The following SCN2A variants were observed in gnomAD, a reference collection of about 807,000 sequenced individuals.
The protein encoded by SCN2A is sodium voltage-gated channel alpha subunit 2, also known as sodium channel protein type 2 subunit alpha.
SCN2A carries 20 observed loss-of-function variants against 188.7 expected under a neutral mutation model. The observed-to-expected ratio is 0.11, with a 90% CI of 0.07 to 0.15. The LOEUF (loss-of-function observed/expected upper bound fraction) is 0.15. Among genes scored for constraint, SCN2A ranks in the 10% least tolerant of loss-of-function variants. The probability of loss-of-function intolerance (pLI) is 1.00; values close to 1 mark genes in which losing one functional copy is unlikely to be tolerated. For synonymous variants in SCN2A, 804 were observed against 833.1 expected, an observed-to-expected ratio of 0.97 and a Z score of 0.60; for missense variants, 1,278 against 2,445.0, an observed-to-expected ratio of 0.52 and a Z score of 10.07.
intron 2 of SCN2A, chr2:165,296,455 T>TA (rs1216212520): frequency 7.7e-6 from 2 of 261,384 alleles, no homozygotes; most frequent in Non-Finnish European, 1.5e-5. Context: ...ATTTAAATTT[T>TA]ATTTTTTATA....
At chr2:165,380,544 G>T (rs774188132) in intron 23 of SCN2A, 48 bp from the exon 24 acceptor site, 1 of 1,396,720 alleles carries the variant, frequency 7.2e-7, no homozygotes, top group South Asian at 1.2e-5. Flanking sequence ...TGTACTTTTT[G>T]TGAAACAAGT....
At chr2:165,383,473 A>G (rs575260379) in intron 25 of SCN2A, among the ~76,000 whole-genome samples, 66 of 152,204 alleles carry the variant, frequency 4.3e-4, no homozygotes, top group African/African-American at 1.5e-3. Context: ...GATAAGCCCA[A>G]ACTTTTCTGG....
intron 18 of SCN2A, 110 bp downstream of exon 18, chr2:165,365,373 G>GAATC: frequency 1.2e-6 from 1 of 857,378 alleles, no homozygotes; most frequent in Non-Finnish European, 1.9e-6. Context: ...CTATCTATCT[G>GAATC]TATCTATCTA....
intron 1 of SCN2A, among the ~76,000 whole-genome samples, chr2:165,286,631 A>G (rs1695845410): frequency 6.6e-6 from 1 of 152,172 alleles, no homozygotes; most frequent in Non-Finnish European, 1.5e-5. Context: ...TTTGGCCCCA[A>G]AGGAAAGTTC....
rs1693783912 is a variant in SCN2A at position 165,245,011 on chromosome 2, A to C, written c.-52+5371A>C. On this transcript the variant is annotated intron_variant, in intron 1 of 26. Transcript: ENST00000375437. ...GATTATGATAATGTTATGATAAGAG[A>C]AGACTGACACTATCCCTCTTCTCTG... 2.6e-5 allele frequency among the ~76,000 whole-genome samples: 4 copies of C among 152,314 alleles called. No homozygotes were observed. In the South Asian group the frequency reaches 8.3e-4, roughly 32 times the overall value.
chr2:165,388,547 G>A (rs1701990639), intron 26 of SCN2A, 82 bp from the exon 27 acceptor site: 11 of 1,581,068 alleles, frequency 7.0e-6, no homozygotes, highest in Non-Finnish European at 9.5e-6. Context: ...TTCACATTTT[G>A]TAAAACTAAT....
intron 1 of SCN2A, among the ~76,000 whole-genome samples, chr2:165,251,568 T>A (rs1694095645): frequency 1.3e-5 from 2 of 152,008 alleles, no homozygotes; most frequent in Non-Finnish European, 2.9e-5. Context: ...ATTCCCCAGA[T>A]CCTTCCCTGC....
At chr2:165,286,455 G>A (rs142446253) in intron 1 of SCN2A, among the ~76,000 whole-genome samples, 56 of 152,292 alleles carry the variant, frequency 3.7e-4, no homozygotes, top group African/African-American at 1.3e-3. Flanking sequence ...AATGCCTAAA[G>A]AATATTTAAA....
intron 1 of SCN2A, chr2:165,274,081 A>G (rs1168218135): frequency 6.6e-6 from 1 of 152,194 alleles, no homozygotes; most frequent in African/African-American, 2.4e-5. Context: ...ACATACTTTT[A>G]AAATTCACAT....
intron 3 of SCN2A, among the ~76,000 whole-genome samples, chr2:165,299,128 A>C (rs1450726098): frequency 6.6e-6 from 1 of 152,112 alleles, no homozygotes; most frequent in Non-Finnish European, 1.5e-5. Context: ...ATCCTAGGAG[A>C]TTATGAATCC....
At chr2:165,295,522 A>G (rs1437173148) in intron 1 of SCN2A, among the ~76,000 whole-genome samples, 1 of 152,246 alleles carries the variant, frequency 6.6e-6, no homozygotes, top group Non-Finnish European at 1.5e-5. Flanking sequence ...CAAGTAGCAC[A>G]ATCACTTAAA....
chr2:165,325,369 T>C (rs374278989), intron 12 of SCN2A, among the ~76,000 whole-genome samples: 23 of 152,194 alleles, frequency 1.5e-4, no homozygotes, highest in African/African-American at 4.8e-4. Context: ...CAGGGCACTG[T>C]ACTATTGCAA....
intron 4 of SCN2A, 23 bp downstream of exon 4, chr2:165,307,960 A>G (rs1697227368): frequency 6.9e-7 from 1 of 1,456,370 alleles, no homozygotes; most frequent in Non-Finnish European, 9.6e-7. Context: ...ATTTTTCAAT[A>G]TTGACCTCCC....
chr2:165,305,059 A>C (rs1233154416), intron 3 of SCN2A, among the ~76,000 whole-genome samples: 1 of 152,200 alleles, frequency 6.6e-6, no homozygotes, highest in Non-Finnish European at 1.5e-5. Context: ...AGACACTTGG[A>C]CCATGCAGTG....
chr2:165,254,813 GTAC>G (rs1279770594), intron 1 of SCN2A, among the ~76,000 whole-genome samples: 1 of 151,540 alleles, frequency 6.6e-6, no homozygotes, highest in African/African-American at 2.4e-5. Flanking sequence ...GCATAATAAC[GTAC>G]TACTATTAAC....
intron 11 of SCN2A, among the ~76,000 whole-genome samples, chr2:165,317,044 G>A (rs1211282682): frequency 6.6e-6 from 1 of 151,938 alleles, no homozygotes; most frequent in Non-Finnish European, 1.5e-5. Context: ...AATACACAAT[G>A]GCATTATACT....
chr2:165,315,322 A>G (rs1697672637), intron 10 of SCN2A, 149 bp from the exon 11 acceptor site: 2 of 1,295,240 alleles, frequency 1.5e-6, no homozygotes, highest in African/African-American at 3.0e-5. Flanking sequence ...GATTGGTCTA[A>G]TAACAATGTA....
rs890388125 is a variant in SCN2A at position 165,391,263 on chromosome 2, C to G, written c.*1439C>G. ...GAAGAGCTTCTTGCTTTTTATTCTT[C>G]CAACCTTAATTGAACACTCAATGAT... On this transcript the variant is annotated 3_prime_UTR_variant, in exon 27 of 27. Transcript: ENST00000375437. 1.3e-5 allele frequency: 2 copies of G among 152,452 alleles called. No individual in the cohort carries two copies. Among genetic ancestry groups the G allele is most frequent in the African/African-American group, 4.8e-5 (2 of 41,426 alleles). 9.4% of individuals were successfully genotyped at this position (152,452 alleles called of 1,614,324 possible). A position where few individuals can be genotyped will look rare whatever the true frequency, so the allele number is the denominator to read the frequency against.
intron 3 of SCN2A, among the ~76,000 whole-genome samples, chr2:165,300,844 T>C (rs1696772096): frequency 6.6e-6 from 1 of 152,080 alleles, no homozygotes. Context: ...ATGACTTGAC[T>C]CACATATTTA....
Sources: gnomAD v4.1 joint callset for allele counts (sites outside exome capture counted in the v4.1 genomes callset) on GRCh38, gnomAD v4.1.1 for gene constraint, MANE v1.5 for transcripts, NCBI Gene and HGNC (gene_info 2026-07-23, HGNC 2026-07-21) for gene names.